The following PADI6 variants were observed in gnomAD, a reference collection of about 807,000 sequenced individuals.
The protein encoded by PADI6 is peptidyl arginine deiminase 6.
A neutral mutation model predicts 78.2 loss-of-function variants in PADI6; 66 were observed. That is an observed-to-expected ratio of 0.84 (90% confidence interval 0.69 to 1.04). The LOEUF is 1.04. PADI6 is among the 50% of genes least tolerant of loss of function. The pLI, the probability that PADI6 is intolerant of heterozygous loss-of-function variation, is 0.00. For missense variants in PADI6, 854 were observed against 866.1 expected, an observed-to-expected ratio of 0.99 and a Z score of 0.18; for synonymous variants, 397 against 346.9, an observed-to-expected ratio of 1.14 and a Z score of -1.60.
At chr1:17,386,596 T>C (rs2075121968) in intron 6 of PADI6, among the ~76,000 whole-genome samples, 1 of 152,294 alleles carries the variant, frequency 6.6e-6, no homozygotes, top group Admixed American at 6.5e-5. Context: ...GACTGCCTTG[T>C]CTGGTCTTGC....
At chr1:17,388,981 C>A in intron 8 of PADI6, 101 bp downstream of exon 8, 2 of 864,276 alleles carry the variant, frequency 2.3e-6, no homozygotes, top group South Asian at 1.6e-5. Flanking sequence ...TAGGACCTCT[C>A]ACCAGGAGAG....
At chr1:17,373,374 A>G (rs1264034264) in intron 2 of PADI6, 141 bp downstream of exon 2, 36 of 1,026,624 alleles carry the variant, frequency 3.5e-5, no homozygotes, top group Non-Finnish European at 4.9e-5. Context: ...AGTGTCTGCA[A>G]CAGACCAGTG....
At chr1:17,379,849 A>G (rs959772329) in intron 3 of PADI6, 71 bp from the exon 4 acceptor site, 2 of 1,388,314 alleles carry the variant, frequency 1.4e-6, no homozygotes, top group Admixed American at 1.7e-5. Context: ...GCCCCACAGG[A>G]GATAACCTAT....
intron 3 of PADI6, among the ~76,000 whole-genome samples, chr1:17,378,095 A>T (rs1216299334): frequency 6.6e-6 from 1 of 152,068 alleles, no homozygotes. Flanking sequence ...CTCTTACCCT[A>T]GATGTTAACC....
chr1:17,394,511 T>C, intron 11 of PADI6, 57 bp downstream of exon 11: 1 of 1,553,046 alleles, frequency 6.4e-7, no homozygotes, highest in South Asian at 1.2e-5. Flanking sequence ...GTCGTTCCCC[T>C]GGCCCCGCCT....
At chr1:17,395,196 C>CT in intron 12 of PADI6, 89 bp downstream of exon 12, 57 of 1,241,286 alleles carry the variant, frequency 4.6e-5, no homozygotes, top group Admixed American at 1.8e-4. Context: ...CTGGCTTTTT[C>CT]TTGTTTTTTT....
intron 2 of PADI6, 88 bp downstream of exon 2, chr1:17,373,321 T>C: frequency 6.8e-7 from 1 of 1,469,696 alleles, no homozygotes; most frequent in Non-Finnish European, 9.3e-7. Flanking sequence ...CAGACGTGAC[T>C]CGAGCCTGGG....
At chr1:17,385,525 A>AT (rs1484314703) in intron 6 of PADI6, among the ~76,000 whole-genome samples, 1 of 152,028 alleles carries the variant, frequency 6.6e-6, no homozygotes, top group Non-Finnish European at 1.5e-5. Context: ...ATCGGAAGGC[A>AT]TTGTCTGCCT....
chr1:17,374,478 T>C (rs1158358748), intron 2 of PADI6, among the ~76,000 whole-genome samples: 2 of 151,996 alleles, frequency 1.3e-5, no homozygotes, highest in African/African-American at 2.4e-5. Context: ...ATACAAAAAT[T>C]AGCCAGGTGT....
intron 3 of PADI6, among the ~76,000 whole-genome samples, chr1:17,379,697 C>T (rs567062789): frequency 6.6e-6 from 1 of 152,238 alleles, no homozygotes; most frequent in East Asian, 1.9e-4. Context: ...TTTGTGAGTT[C>T]CTGGGAGGTT....
intron 15 of PADI6, among the ~76,000 whole-genome samples, chr1:17,399,153 G>A (rs911402528): frequency 1.3e-4 from 20 of 152,162 alleles, no homozygotes; most frequent in African/African-American, 4.6e-4. Context: ...GGCCCACTTC[G>A]GATGGGGTGC....
chr1:17,398,134 A>T (rs1400553223), intron 14 of PADI6, among the ~76,000 whole-genome samples: 1 of 152,190 alleles, frequency 6.6e-6, no homozygotes, highest in African/African-American at 2.4e-5. Context: ...TGCTTCTCTC[A>T]CTGGGTCCTT....
chr1:17,375,043 C>T (rs866453879), intron 2 of PADI6, among the ~76,000 whole-genome samples: 1 of 152,086 alleles, frequency 6.6e-6, no homozygotes, highest in Admixed American at 6.5e-5. Context: ...ACATGGGACC[C>T]CAGGAGAGTG....
chr1:17,379,068 C>G (rs562078772), intron 3 of PADI6, among the ~76,000 whole-genome samples: 1 of 151,688 alleles, frequency 6.6e-6, no homozygotes, highest in African/African-American at 2.4e-5. Flanking sequence ...CCTTGGCTTC[C>G]CAAGAGGCTG....
At chr1:17,375,393 C>T (rs760877437) in intron 2 of PADI6, 34 bp from the exon 3 acceptor site, 2 of 1,587,998 alleles carry the variant, frequency 1.3e-6, no homozygotes, top group South Asian at 1.1e-5. Flanking sequence ...TCCCGTCCAA[C>T]ACTGCCTATG....
intron 2 of PADI6, among the ~76,000 whole-genome samples, chr1:17,374,114 C>A (rs762243038): frequency 9.2e-5 from 14 of 151,992 alleles, no homozygotes; most frequent in Non-Finnish European, 1.5e-4. Context: ...GGATCCTGGC[C>A]GCTGGTTTAA....
At chr1:17,396,376 ACT>A (rs1458536876) in intron 13 of PADI6, among the ~76,000 whole-genome samples, 1 of 152,028 alleles carries the variant, frequency 6.6e-6, no homozygotes, top group Non-Finnish European at 1.5e-5. Flanking sequence ...ACAGAGCAAG[ACT>A]CCATCTCAAA....
At position 17,391,311 on chromosome 1, in the gene PADI6, CA is replaced by C. The variant is rs200352011; in HGVS notation, c.963-802del. Among the ~76,000 whole-genome samples, 737 of 152,296 alleles carry C rather than the reference CA, an allele frequency of 4.8e-3. 11 individuals carry two copies. Among genetic ancestry groups the C allele is most frequent in the African/African-American group, 0.016 (666 of 41,558 alleles). On this transcript the variant is annotated intron_variant, in intron 8 of 15. Coordinates refer to ENST00000619609, the MANE Select transcript of PADI6 (RefSeq NM_207421.4). Reference sequence around the variant, plus strand: ...CTTGGCTCACTGCAGCCTCCACCTCCAGGGTTCCAGCAATTCTCCTGCCTCA... The same window carrying C: ...CTTGGCTCACTGCAGCCTCCACCTCCGGGTTCCAGCAATTCTCCTGCCTCA...
At chr1:17,384,359 C>T (rs1191632909) in intron 6 of PADI6, among the ~76,000 whole-genome samples, 7 of 152,104 alleles carry the variant, frequency 4.6e-5, no homozygotes, top group Non-Finnish European at 1.0e-4. Flanking sequence ...TTTGGGAGGC[C>T]AAGGCAGGAG....
Sources: allele counts gnomAD v4.1 joint callset (sites outside exome capture counted in the v4.1 genomes callset), GRCh38; gene constraint gnomAD v4.1.1; transcripts MANE v1.5; gene names NCBI Gene and HGNC (gene_info 2026-07-23, HGNC 2026-07-21).